Variants in TRPM1 observed in about 807,000 individuals in gnomAD.
TRPM1 encodes the protein transient receptor potential cation channel subfamily M member 1, also known as TRPM1-203 APA Isoform, Intron 10.
In TRPM1, 113 loss-of-function variants were observed where a neutral mutation model predicts 149.4. The ratio of observed to expected loss-of-function variants is 0.76; its 90% CI spans 0.65 to 0.88. The LOEUF is 0.88. TRPM1 is among the 40% of genes least tolerant of loss of function. The pLI, the probability that TRPM1 is intolerant of heterozygous loss-of-function variation, is 0.00. For synonymous variants in TRPM1, 741 were observed against 759.5 expected (o/e 0.98, Z 0.40); for missense variants, 1,976 against 2,038.7 (o/e 0.97, Z 0.59).
rs727504182 is a variant in TRPM1 at position 31,032,793 on chromosome 15, G to A, written c.2848C>T (p.Arg950Trp). ...ATGATATCCACACAGTAGATCACCCGGCCATAGCCCATGTAGGGCTGGTTC... is the reference window on the plus strand; with the variant it reads ...ATGATATCCACACAGTAGATCACCCAGCCATAGCCCATGTAGGGCTGGTTC... ...LQNQPYMGYGRVIYCVDIIFW... is the reference protein window; with the variant it reads ...LQNQPYMGYGWVIYCVDIIFW... The change falls in exon 22 of 28, where the codon CGG (arginine) becomes TGG (tryptophan). Residue 950 changes from arginine (R) to tryptophan (W), a missense_variant. Physicochemically the swap from Arg to Trp is moderately radical, Grantham distance 101. Transcript: ENST00000256552. 126 of 1,614,036 alleles carry A rather than the reference G, an allele frequency of 7.8e-5. 1 individual carries two copies. The highest frequency in any genetic ancestry group is 1.0e-4 in the Non-Finnish European group (119 of 1,180,042).
chr15:31,024,826 A>G, intron 27 of TRPM1, among the ~76,000 whole-genome samples: 1 of 152,234 alleles, frequency 6.6e-6, no homozygotes, highest in Non-Finnish European at 1.5e-5. Context: ...AAGTTTAGCA[A>G]TTACTGTTAA....
chr15:31,044,202 T>G (rs1157456131), intron 16 of TRPM1, among the ~76,000 whole-genome samples: 2 of 152,218 alleles, frequency 1.3e-5, no homozygotes, highest in East Asian at 3.8e-4. Flanking sequence ...TCCAAACCTG[T>G]GGAATACCAT....
At chr15:31,119,179 T>A (rs1405441386) in intron 1 of TRPM1, among the ~76,000 whole-genome samples, 3 of 152,010 alleles carry the variant, frequency 2.0e-5, no homozygotes, top group African/African-American at 4.8e-5. Context: ...AGGCAGAGGT[T>A]GTGGTGAGCC....
chr15:31,067,752 C>T, intron 5 of TRPM1, 127 bp downstream of exon 5: 1 of 945,052 alleles, frequency 1.1e-6, no homozygotes, highest in African/African-American at 1.6e-5. Context: ...AAAGACTTCA[C>T]TTTAGTCATA....
chr15:31,028,707 G>A (rs1023770990), intron 24 of TRPM1, among the ~76,000 whole-genome samples: 1 of 151,554 alleles, frequency 6.6e-6, no homozygotes, highest in African/African-American at 2.4e-5. Context: ...AGCCGAGATC[G>A]AGCCACTGTA....
upstream of TRPM1, among the ~76,000 whole-genome samples, chr15:31,105,357 T>A (rs2035587940): frequency 6.6e-6 from 1 of 152,204 alleles, no homozygotes; most frequent in Non-Finnish European, 1.5e-5. Flanking sequence ...AGAAACAGTA[T>A]TCAGAAACTA....
At chr15:31,070,400 T>TA (rs2034507364) in intron 3 of TRPM1, 174 bp from the exon 4 acceptor site, 1 of 720,998 alleles carries the variant, frequency 1.4e-6, no homozygotes, top group African/African-American at 1.7e-5. Context: ...CTTTTCCAGA[T>TA]AATCAGTGCA....
intron 1 of TRPM1, among the ~76,000 whole-genome samples, chr15:31,101,229 G>A (rs1450442357): frequency 6.6e-6 from 1 of 152,220 alleles, no homozygotes; most frequent in African/African-American, 2.4e-5. Context: ...CTGGAGCCGG[G>A]GCTCCTGAGC....
At chr15:31,025,256 C>T (rs7165798) in intron 27 of TRPM1, among the ~76,000 whole-genome samples, 55,476 of 151,996 alleles carry the variant, frequency 0.36, 11,946 homozygotes, top group African/African-American at 0.6. Flanking sequence ...TTTGGAACAG[C>T]GTGTTATCAG....
chr15:31,096,903 C>A (rs2035397743), intron 1 of TRPM1, among the ~76,000 whole-genome samples: 1 of 152,156 alleles, frequency 6.6e-6, no homozygotes, highest in Admixed American at 6.5e-5. Flanking sequence ...TTGCTGGGGC[C>A]ACCAGGGTGG....
chr15:31,144,444 A>G (rs946771596), intron 1 of TRPM1, among the ~76,000 whole-genome samples: 1 of 152,190 alleles, frequency 6.6e-6, no homozygotes, highest in Non-Finnish European at 1.5e-5. Context: ...CTCAAAATAA[A>G]TGAACAAATA....
chr15:31,131,706 G>T (rs2036017962), intron 1 of TRPM1, among the ~76,000 whole-genome samples: 1 of 152,144 alleles, frequency 6.6e-6, no homozygotes, highest in African/African-American at 2.4e-5. Flanking sequence ...GAGGGGTCCG[G>T]GGAGATAGTG....
At chr15:31,151,232 C>CT (rs1179746698) in intron 1 of TRPM1, among the ~76,000 whole-genome samples, 2 of 152,184 alleles carry the variant, frequency 1.3e-5, no homozygotes, top group East Asian at 3.8e-4. Flanking sequence ...TGGCAAGACT[C>CT]TAACACTCTG....
Position 31,026,916 on chromosome 15 carries a change from C to T in TRPM1, c.3495G>A (p.Leu1165=), listed in dbSNP as rs201141648. 1.5e-4 allele frequency: 242 copies of T among 1,613,598 alleles called. 1 individual carries two copies. The African/African-American group carries it at 1.6e-3, about 11-fold the overall frequency. Residue 1165 remains leucine, a splice_region_variant and synonymous_variant, in exon 26 of 28, where the codon TTG becomes TTA. Coordinates refer to ENST00000256552, the MANE Select transcript of TRPM1 (RefSeq NM_001252024.2). ...AGAAATGAAGAGCCCTGCACATACT[C>T]AATCCACGATCCCGTTCCTCTTGGT... ...EGDQEERDRG[L]KLFLSDEELK...
intron 27 of TRPM1, among the ~76,000 whole-genome samples, chr15:31,025,149 G>A (rs7182143): frequency 0.37 from 56,610 of 152,068 alleles, 12,609 homozygotes; most frequent in African/African-American, 0.63. Context: ...CAATGTGTCT[G>A]TTAGGAAACT....
rs752703842 is a variant in TRPM1, at chr15:31,133,396, C to T, written c.54+27510G>A. On this transcript the variant is annotated intron_variant, in intron 1 of 26. Coordinates refer to the TRPM1 transcript ENST00000542188. ...CAGCATGATCCACATGGTGAAACTC[C>T]GTCTCTACCAAAAGTAAAAAAAATT... 9.1e-5 allele frequency among the ~76,000 whole-genome samples: 13 copies of T among 142,154 alleles called. No homozygotes were observed. In the South Asian group the frequency reaches 1.2e-3, roughly 13 times the overall value. 93.3% of individuals were successfully genotyped at this position (142,154 alleles called of 152,430 possible).
chr15:31,004,584 TC>T (rs1266832732), intron 27 of TRPM1, among the ~76,000 whole-genome samples: 22 of 152,094 alleles, frequency 1.4e-4, no homozygotes. Context: ...GGAAACCACA[TC>T]ATTTGAGCAG....
In TRPM1 at chr15:31,032,666, AC is replaced by A. The variant is rs755658584; in HGVS notation, c.2952+22del. On this transcript the variant is annotated intron_variant, in intron 22 of 27. Transcript: ENST00000256552. ...AACTACAGCCAAAGTCTCTCTGGAT[AC>A]CCACAGGATGCCACTACTAACCATC... The A allele has an allele frequency of 1.5e-5, 25 of 1,614,196 alleles. 1 individual carries two copies. The South Asian group carries it at 2.7e-4, about 18-fold the overall frequency.
At chr15:31,043,936 GGATCT>G (rs1396948909) in intron 16 of TRPM1, among the ~76,000 whole-genome samples, 1 of 151,880 alleles carries the variant, frequency 6.6e-6, no homozygotes, top group African/African-American at 2.4e-5. Flanking sequence ...AAATAACAAA[GGATCT>G]GAACTGGGAG....
Sources: allele counts gnomAD v4.1 joint callset (sites outside exome capture counted in the v4.1 genomes callset), GRCh38; gene constraint gnomAD v4.1.1; transcripts MANE v1.5; gene names NCBI Gene and HGNC (gene_info 2026-07-23, HGNC 2026-07-21).